ATP11A: variants seen among roughly 807,000 people sequenced by gnomAD.
The protein encoded by ATP11A is phospholipid-transporting ATPase IH.
A neutral mutation model predicts 154.4 loss-of-function variants in ATP11A; 81 were observed. That is an observed-to-expected ratio of 0.52 (90% CI 0.44 to 0.63). The LOEUF is 0.63. Among genes scored for constraint, ATP11A ranks in the 30% least tolerant of loss-of-function variants. ATP11A has a pLI of 0.00. For missense variants in ATP11A, 1,316 were observed against 1,474.3 expected (o/e 0.89, Z 1.76); for synonymous variants, 623 against 585.9 (o/e 1.06, Z -0.91).
chr13:112,769,118 A>G (rs115317518), intron 1 of ATP11A, among the ~76,000 whole-genome samples: 1,549 of 152,250 alleles, frequency 0.01, 20 homozygotes, highest in African/African-American at 0.035. Flanking sequence ...ACAGGGCCCC[A>G]TGGGCTGCCC....
chr13:112,763,390 C>T (rs1453030910), intron 1 of ATP11A, among the ~76,000 whole-genome samples: 1 of 152,202 alleles, frequency 6.6e-6, no homozygotes, highest in African/African-American at 2.4e-5. Flanking sequence ...AACAGACTCT[C>T]TGTACCAGTA....
rs151257258 is a variant in ATP11A, at chr13:112,789,296, A to G, written c.162+4039A>G. Among the ~76,000 whole-genome samples, 406 of 135,686 alleles carry G rather than the reference A, an allele frequency of 3.0e-3. 5 individuals carry two copies. The highest frequency in any genetic ancestry group is 0.011 in the African/African-American group (393 of 35,330). The allele number at this position is 135,686 out of a possible 152,430, so 89.0% of individuals were successfully genotyped here. A position where few individuals can be genotyped will look rare whatever the true frequency, so the allele number is the denominator to read the frequency against. The stretch of plus-strand genomic sequence containing the variant: ...TGTGGAGACCTCCTTAATCCACACC[A>G]GGTGTCCTGATGTGTAGACCTCTGT... On this transcript the variant is annotated intron_variant, in intron 2 of 29. Transcript: ENST00000375645.
At chr13:112,842,488 G>A in intron 17 of ATP11A, 109 bp downstream of exon 17, 1 of 891,352 alleles carries the variant, frequency 1.1e-6, no homozygotes, top group Non-Finnish European at 1.8e-6. Flanking sequence ...GTATTCCTTG[G>A]GGAATGTTTA....
At chr13:112,840,590 C>T (rs549795606) in intron 16 of ATP11A, among the ~76,000 whole-genome samples, 166 of 151,514 alleles carry the variant, frequency 1.1e-3, no homozygotes, top group Non-Finnish European at 1.6e-3. Flanking sequence ...CCCATGCCCT[C>T]CAGCCTTTGC....
intron 17 of ATP11A, 32 bp from the exon 18 acceptor site, chr13:112,851,005 A>T (rs1471714081): frequency 6.3e-7 from 1 of 1,595,806 alleles, no homozygotes; most frequent in African/African-American, 1.3e-5. Flanking sequence ...GACACCTTGA[A>T]TTCGTGCTAA....
At chr13:112,772,392 G>A (rs763585116) in intron 1 of ATP11A, among the ~76,000 whole-genome samples, 10 of 152,190 alleles carry the variant, frequency 6.6e-5, no homozygotes, top group Non-Finnish European at 8.8e-5. Context: ...TCAGCCTGTC[G>A]CGAGTGTGTA....
intron 19 of ATP11A, 62 bp downstream of exon 19, chr13:112,854,592 G>A: frequency 2.6e-6 from 4 of 1,539,830 alleles, no homozygotes; most frequent in Admixed American, 1.9e-5. Context: ...AGACCCAGTG[G>A]CCTTCACCTG....
chr13:112,699,412 C>A (rs762288807), intron 1 of ATP11A, among the ~76,000 whole-genome samples: 1 of 152,082 alleles, frequency 6.6e-6, no homozygotes, highest in Non-Finnish European at 1.5e-5. Context: ...GCAGTTGAGA[C>A]GATAAAATAA....
chr13:112,789,700 G>T (rs1302956140), intron 2 of ATP11A, among the ~76,000 whole-genome samples: 1 of 149,162 alleles, frequency 6.7e-6, no homozygotes, highest in African/African-American at 2.5e-5. Context: ...GTAGACCCCT[G>T]TGGAGACCTA....
intron 1 of ATP11A, among the ~76,000 whole-genome samples, chr13:112,759,301 T>G (rs1281309165): frequency 1.3e-5 from 2 of 152,188 alleles, no homozygotes; most frequent in African/African-American, 4.8e-5. Context: ...TGGATCTGTC[T>G]TGCTCTGAAG....
chr13:112,708,838 G>A (rs752665812), intron 1 of ATP11A, among the ~76,000 whole-genome samples: 2 of 152,216 alleles, frequency 1.3e-5, no homozygotes, highest in Admixed American at 1.3e-4. Context: ...ACTCATGGAG[G>A]GGGAGGGGGA....
At chr13:112,756,986 T>C (rs938302584) in intron 1 of ATP11A, among the ~76,000 whole-genome samples, 1 of 152,284 alleles carries the variant, frequency 6.6e-6, no homozygotes, top group Admixed American at 6.5e-5. Flanking sequence ...GTTTACAAAA[T>C]GATCATATTT....
intron 2 of ATP11A, among the ~76,000 whole-genome samples, chr13:112,793,034 A>G (rs1304981946): frequency 6.6e-6 from 1 of 152,100 alleles, no homozygotes; most frequent in Non-Finnish European, 1.5e-5. Context: ...TGTTTATTAT[A>G]TCATGTAATC....
At position 112,696,188 on chromosome 13, in the gene ATP11A, C is replaced by T. The variant is rs542498915; in HGVS notation, c.39+5733C>T. Reference sequence around the variant, plus strand: ...GACGGGACAGGTCACGGCGCTCGTGCACGCTGGGTGCCCAGTGCACGGGGC... The same window carrying T: ...GACGGGACAGGTCACGGCGCTCGTGTACGCTGGGTGCCCAGTGCACGGGGC... On this transcript the variant is annotated intron_variant, in intron 1 of 29. Coordinates refer to ENST00000375645, the MANE Select transcript of ATP11A (RefSeq NM_015205.3). The surrounding 1 kb of genome is among the most constrained non-coding windows in gnomAD (Gnocchi z 6.2). Among the ~76,000 whole-genome samples, 1 of 152,302 alleles carries T rather than the reference C, an allele frequency of 6.6e-6. No individual in the cohort carries two copies. The highest frequency in any genetic ancestry group is 2.4e-5 in the African/African-American group (1 of 41,546).
intron 1 of ATP11A, among the ~76,000 whole-genome samples, chr13:112,757,824 C>T (rs746977255): frequency 2.2e-4 from 33 of 152,374 alleles, no homozygotes; most frequent in Non-Finnish European, 4.3e-4. Context: ...TCGCTGCAGT[C>T]TGTGCTTCCA....
chr13:112,735,037 A>G (rs72660020), intron 1 of ATP11A, among the ~76,000 whole-genome samples: 2 of 152,286 alleles, frequency 1.3e-5, no homozygotes, highest in East Asian at 3.9e-4. Context: ...GACTTTTTTT[A>G]AAAAAAGAAA....
intron 2 of ATP11A, among the ~76,000 whole-genome samples, chr13:112,797,118 AT>A (rs1057318738): frequency 4.6e-5 from 7 of 151,512 alleles, no homozygotes; most frequent in South Asian, 4.3e-4. Context: ...AAAAATAAAA[AT>A]TTTTTTTAAA....
Position 112,721,383 on chromosome 13 carries a change from C to T in ATP11A, c.39+30928C>T, listed in dbSNP as rs551452228. On this transcript the variant is annotated intron_variant, in intron 1 of 29. Transcript: ENST00000375645. ...TGAAAAGAGAAAACGTACCTTTGCT[C>T]ACTAAGCACTAAGAACAAAGAGGCT... Among the ~76,000 whole-genome samples the T allele has an allele frequency of 8.5e-5, 13 of 152,314 alleles. No homozygotes were observed. In the South Asian group the frequency reaches 2.7e-3, roughly 32 times the overall value.
intron 25 of ATP11A, among the ~76,000 whole-genome samples, chr13:112,865,802 T>C (rs924916925): frequency 1.3e-5 from 2 of 152,230 alleles, no homozygotes; most frequent in South Asian, 2.1e-4. Flanking sequence ...CTGCCCGCCT[T>C]GGCCTCCCGA....
Sources: allele counts gnomAD v4.1 joint callset (sites outside exome capture counted in the v4.1 genomes callset), GRCh38; gene constraint gnomAD v4.1.1; non-coding constraint Gnocchi (gnomAD v3.1); transcripts MANE v1.5; gene names NCBI Gene and HGNC (gene_info 2026-07-23, HGNC 2026-07-21).